The following PLCXD2 variants were observed in gnomAD, a reference collection of about 807,000 sequenced individuals.
PLCXD2 encodes the protein PI-PLC X domain-containing protein 2.
In PLCXD2, 21 loss-of-function variants were observed where a neutral mutation model predicts 28.6. The observed-to-expected ratio is 0.73, with a 90% CI of 0.52 to 1.06. PLCXD2 has a LOEUF of 1.06. Ranked by LOEUF, PLCXD2 falls within the 50% of genes least tolerant of loss-of-function variation. The probability of loss-of-function intolerance (pLI) is 0.00; values close to 1 mark genes in which losing one functional copy is unlikely to be tolerated. For synonymous variants in PLCXD2, 140 were observed against 150.1 expected (o/e 0.93, Z 0.49); for missense variants, 369 against 376.7 (o/e 0.98, Z 0.17).
At chr3:111,687,852 T>C (rs1940817959) in intron 1 of PLCXD2, among the ~76,000 whole-genome samples, 1 of 151,484 alleles carries the variant, frequency 6.6e-6, no homozygotes, top group South Asian at 2.1e-4. Context: ...ACCTGGCTAA[T>C]TTTTTTTTAT....
chr3:111,690,478 G>A (rs1451341467), intron 1 of PLCXD2, among the ~76,000 whole-genome samples: 6 of 152,206 alleles, frequency 3.9e-5, no homozygotes, highest in African/African-American at 7.2e-5. Context: ...GCAAGGCTCC[G>A]GCACAGAAAA....
chr3:111,723,518 G>A (rs1328300573), intron 3 of PLCXD2: 1 of 152,196 alleles, frequency 6.6e-6, no homozygotes, highest in African/African-American at 2.4e-5. Flanking sequence ...GTGCGTGCAG[G>A]TGCTCACTCC....
At chr3:111,679,822 C>T (rs1026895621) in intron 1 of PLCXD2, among the ~76,000 whole-genome samples, 2 of 152,144 alleles carry the variant, frequency 1.3e-5, no homozygotes, top group African/African-American at 2.4e-5. Context: ...TTTCTAGGAG[C>T]GATTCTTTCA....
chr3:111,689,341 C>G (rs6804006), intron 1 of PLCXD2, among the ~76,000 whole-genome samples: 152,319 of 152,362 alleles, frequency 1, 76,138 homozygotes, highest in Non-Finnish European at 1. Context: ...GGGAAAGTTA[C>G]GGAAAGACAG....
At chr3:111,721,272 C>T (rs1941342270) in intron 3 of PLCXD2, 1 of 153,146 alleles carries the variant, frequency 6.5e-6, no homozygotes, top group East Asian at 1.9e-4. Flanking sequence ...AAAGTTGAAC[C>T]AGAAACACAT....
intron 1 of PLCXD2, among the ~76,000 whole-genome samples, chr3:111,700,943 A>G (rs930128742): frequency 4.6e-5 from 7 of 152,244 alleles, no homozygotes; most frequent in East Asian, 1.9e-4. Flanking sequence ...AAGATTTTCA[A>G]TGTGGGTGAT....
At position 111,675,295 on chromosome 3, in the gene PLCXD2, G is replaced by C. The variant is rs768032367; in HGVS notation, c.50G>C (p.Cys17Ser). 1.9e-6 allele frequency: 3 copies of C among 1,614,156 alleles called. No individual in the cohort carries two copies. The Admixed American group carries it at 5.0e-5, about 27-fold the overall frequency. Reference sequence around the variant, plus strand: ...AGGAAACTCAGGATGGGGACCATCTGCTCCCCCAACCCCAGCGGGACAAAG... The same window carrying C: ...AGGAAACTCAGGATGGGGACCATCTCCTCCCCCAACCCCAGCGGGACAAAG... The change falls in exon 1 of 5, where the codon TGC becomes TCC. Residue 17 changes from cysteine to serine, a missense_variant. Cys to Ser is a moderately radical substitution (Grantham distance 112). Transcript: ENST00000477665.
In PLCXD2 at chr3:111,712,266, A is replaced by C. The variant is rs185278569; in HGVS notation, c.625-1621A>C. Among the ~76,000 whole-genome samples, 115 of 152,330 alleles carry C rather than the reference A, an allele frequency of 7.5e-4. 1 individual carries two copies. The highest frequency in any genetic ancestry group is 2.4e-3 in the African/African-American group (101 of 41,576). On this transcript the variant is annotated intron_variant, in intron 2 of 4. Coordinates refer to ENST00000477665, the MANE Select transcript of PLCXD2 (RefSeq NM_001185106.1). ...ATGCACTTTTTCCAAGGCAGAGTAA[A>C]GAATGGCACAGTCCTCTCGTTCCCT...
chr3:111,678,938 C>T (rs927242118), intron 1 of PLCXD2, among the ~76,000 whole-genome samples: 1 of 152,126 alleles, frequency 6.6e-6, no homozygotes, highest in Non-Finnish European at 1.5e-5. Context: ...AGGGTCTATT[C>T]ACTTTAGCCT....
chr3:111,696,313 T>A (rs1940961765), intron 1 of PLCXD2, among the ~76,000 whole-genome samples: 1 of 152,242 alleles, frequency 6.6e-6, no homozygotes, highest in Non-Finnish European at 1.5e-5. Context: ...TTAGCTTTAT[T>A]AAGATAAAGT....
chr3:111,708,703 G>A (rs1452750307), intron 2 of PLCXD2, among the ~76,000 whole-genome samples: 5 of 152,084 alleles, frequency 3.3e-5, no homozygotes, highest in Non-Finnish European at 7.4e-5. Context: ...GTTTCCCGAG[G>A]TCCATTTTTA....
intron 3 of PLCXD2, among the ~76,000 whole-genome samples, chr3:111,716,849 TC>T (rs1941273466): frequency 6.6e-6 from 1 of 152,108 alleles, no homozygotes; most frequent in Non-Finnish European, 1.5e-5. Context: ...TGGGCCCTAA[TC>T]CAGTCTAGCT....
intron 1 of PLCXD2, among the ~76,000 whole-genome samples, chr3:111,684,936 G>T (rs1384416315): frequency 6.6e-6 from 1 of 152,178 alleles, no homozygotes; most frequent in African/African-American, 2.4e-5. Context: ...GGGCAAAAGA[G>T]AAGGTGCAAG....
chr3:111,713,356 TC>T (rs1333182518), intron 2 of PLCXD2, among the ~76,000 whole-genome samples: 2 of 152,222 alleles, frequency 1.3e-5, no homozygotes, highest in Non-Finnish European at 2.9e-5. Context: ...CCCACAACAA[TC>T]TTAGCCCTGC....
intron 1 of PLCXD2, among the ~76,000 whole-genome samples, chr3:111,692,745 G>A (rs1378679532): frequency 6.6e-6 from 1 of 152,224 alleles, no homozygotes; most frequent in African/African-American, 2.4e-5. Context: ...AACTCTTCAT[G>A]AAACGAGCTA....
chr3:111,709,100 A>G (rs1941163765), intron 2 of PLCXD2, among the ~76,000 whole-genome samples: 1 of 152,128 alleles, frequency 6.6e-6, no homozygotes, highest in African/African-American at 2.4e-5. Flanking sequence ...TGGAAAAAAA[A>G]AAAAAAAAGA....
intron 3 of PLCXD2, among the ~76,000 whole-genome samples, chr3:111,714,993 A>C (rs1941249630): frequency 6.6e-6 from 1 of 152,236 alleles, no homozygotes; most frequent in South Asian, 2.1e-4. Context: ...AGTTCAGATA[A>C]TGAAAGATTC....
intron 1 of PLCXD2, among the ~76,000 whole-genome samples, chr3:111,694,579 T>G (rs776819915): frequency 1.3e-5 from 2 of 152,192 alleles, no homozygotes; most frequent in Non-Finnish European, 2.9e-5. Context: ...TAACATCCTT[T>G]GTAGACTAGT....
At chr3:111,724,171 G>C (rs1481229993) in intron 3 of PLCXD2, 1 of 152,110 alleles carries the variant, frequency 6.6e-6, no homozygotes, top group Non-Finnish European at 1.5e-5. Flanking sequence ...CTTAATGGAA[G>C]GGAATAAGTT....
Sources: allele counts gnomAD v4.1 joint callset (sites outside exome capture counted in the v4.1 genomes callset), GRCh38; gene constraint gnomAD v4.1.1; transcripts MANE v1.5; gene names NCBI Gene and HGNC (gene_info 2026-07-23, HGNC 2026-07-21).